VPS54: variants seen among roughly 807,000 people sequenced by gnomAD.
VPS54 encodes the protein VPS54 subunit of GARP complex, also known as vacuolar protein sorting-associated protein 54.
A neutral mutation model predicts 121.5 loss-of-function variants in VPS54; 45 were observed. The observed-to-expected ratio is 0.37, with a 90% CI of 0.29 to 0.47. The LOEUF (loss-of-function observed/expected upper bound fraction) is 0.47, where lower values mean the gene tolerates loss of function less well. Among genes scored for constraint, VPS54 ranks in the 20% least tolerant of loss-of-function variants. The pLI, the probability that VPS54 is intolerant of heterozygous loss-of-function variation, is 0.99. For synonymous variants in VPS54, 371 were observed against 385.8 expected (o/e 0.96, Z 0.45); for missense variants, 1,090 against 1,131.4 (o/e 0.96, Z 0.52).
chr2:64,018,246 GA>G (rs945966417), intron 1 of VPS54, among the ~76,000 whole-genome samples: 2 of 152,090 alleles, frequency 1.3e-5, no homozygotes, highest in African/African-American at 4.8e-5. Context: ...CTGGTTAGAA[GA>G]AAAAAATTTT....
intron 1 of VPS54, among the ~76,000 whole-genome samples, chr2:63,984,577 T>C (rs1038714385): frequency 6.6e-6 from 1 of 152,232 alleles, no homozygotes; most frequent in Non-Finnish European, 1.5e-5. Context: ...GTTACTGTCA[T>C]TGTAATTATT....
intron 22 of VPS54, 109 bp downstream of exon 22, chr2:63,897,387 C>A: frequency 2.9e-6 from 2 of 696,920 alleles, no homozygotes; most frequent in South Asian, 1.9e-5. Context: ...GATTTTACAA[C>A]GTTGGTCTTC....
In VPS54 at chr2:63,933,924, C is replaced by A; in HGVS notation, c.1488G>T (p.Lys496Asn). ...TRELEEISQQ[K>N]NAAKDNSLDT... ...CCAGTGAATTATCTTTTGCAGCATTCTTCTGTTGTGAAATCTCTTCCAATT... is the reference window on the plus strand; with the variant it reads ...CCAGTGAATTATCTTTTGCAGCATTATTCTGTTGTGAAATCTCTTCCAATT... The change falls in exon 12 of 23, where the codon AAG becomes AAT. Residue 496 changes from lysine to asparagine, a missense_variant. By Grantham distance (94) the Lys-to-Asn change is moderately conservative. Coordinates refer to ENST00000272322, the MANE Select transcript of VPS54 (RefSeq NM_016516.3). The A allele has an allele frequency of 6.2e-7, 1 of 1,613,674 alleles. No homozygotes were observed. The highest frequency in any genetic ancestry group is 8.5e-7 in the Non-Finnish European group (1 of 1,179,772).
intron 3 of VPS54, among the ~76,000 whole-genome samples, chr2:63,979,957 T>C (rs933296279): frequency 2.0e-5 from 3 of 152,212 alleles, no homozygotes; most frequent in Non-Finnish European, 4.4e-5. Flanking sequence ...TCTTCTATGT[T>C]ATATGGAGTG....
At chr2:63,988,302 G>GT (rs1677149775) in intron 1 of VPS54, among the ~76,000 whole-genome samples, 1 of 152,128 alleles carries the variant, frequency 6.6e-6, no homozygotes, top group African/African-American at 2.4e-5. Flanking sequence ...TTGATATGAT[G>GT]TATCACCTTT....
Position 63,986,993 on chromosome 2 carries a change from G to A in VPS54, c.-20-2974C>T, listed in dbSNP as rs9679199. On this transcript the variant is annotated intron_variant, in intron 1 of 22. Coordinates refer to ENST00000272322, the MANE Select transcript of VPS54 (RefSeq NM_016516.3). ...TAATCCCTTGTCAGATGGGTAGTTT[G>A]CAAATATTTTCCTCCCATTCTGTGG... Among the ~76,000 whole-genome samples, 777 of 152,262 alleles carry A rather than the reference G, an allele frequency of 5.1e-3. 10 individuals are homozygous for A. Among genetic ancestry groups the A allele is most frequent in the African/African-American group, 0.018 (737 of 41,540 alleles).
Position 63,950,500 on chromosome 2 carries a change from C to A in VPS54, c.1011-1337G>T, listed in dbSNP as rs529385478. Among the ~76,000 whole-genome samples the A allele has an allele frequency of 2.6e-5, 4 of 152,262 alleles. No homozygotes were observed. In the East Asian group the frequency reaches 5.8e-4, roughly 22 times the overall value. On this transcript the variant is annotated intron_variant, in intron 7 of 22. Transcript: ENST00000272322. Reference sequence around the variant, plus strand: ...CACCAAAAGTACTTTAAAAGGCAGTCTCTTATTGGCAAGGTACTTCCTGAC... The same window carrying A: ...CACCAAAAGTACTTTAAAAGGCAGTATCTTATTGGCAAGGTACTTCCTGAC...
intron 16 of VPS54, among the ~76,000 whole-genome samples, chr2:63,915,151 C>CA (rs5831674): frequency 0.12 from 2,948 of 23,614 alleles, 429 homozygotes; most frequent in African/African-American, 0.14. Flanking sequence ...AGCTCCGTCT[C>CA]AAAAAAAAAA....
intron 7 of VPS54, among the ~76,000 whole-genome samples, chr2:63,954,320 TAAAA>T (rs1675392351): frequency 6.6e-5 from 10 of 152,056 alleles, no homozygotes; most frequent in Admixed American, 3.9e-4. Context: ...TGATAAAAAT[TAAAA>T]AGAAAGAACT....
intron 3 of VPS54, among the ~76,000 whole-genome samples, chr2:63,981,264 G>A (rs557796281): frequency 6.6e-5 from 10 of 152,198 alleles, no homozygotes; most frequent in South Asian, 2.1e-4. Flanking sequence ...CTATCTGCTA[G>A]AGCTAGGGTG....
chr2:63,963,494 T>C (rs1675859028), intron 6 of VPS54, among the ~76,000 whole-genome samples: 1 of 152,136 alleles, frequency 6.6e-6, no homozygotes, highest in Admixed American at 6.5e-5. Flanking sequence ...CTTGGGATAA[T>C]TCATAGTTTC....
chr2:63,900,611 T>C (rs942148025), intron 20 of VPS54, among the ~76,000 whole-genome samples: 1 of 152,162 alleles, frequency 6.6e-6, no homozygotes, highest in Admixed American at 6.5e-5. Context: ...AGGAACGCTA[T>C]AGGAACTCAA....
chr2:64,005,915 A>G (rs569964889), intron 1 of VPS54, among the ~76,000 whole-genome samples: 1 of 152,358 alleles, frequency 6.6e-6, no homozygotes, highest in South Asian at 2.1e-4. Flanking sequence ...TACAGTAAAT[A>G]GAAGGAAGTA....
rs1575919466 is a variant in VPS54 at position 63,928,376 on chromosome 2, T to A, written c.1739+5297A>T. Among the ~76,000 whole-genome samples, 3 of 151,790 alleles carry A rather than the reference T, an allele frequency of 2.0e-5. No individual in the cohort carries two copies. The East Asian group carries it at 5.8e-4, about 29-fold the overall frequency. ...CCAAGATTCAACATTCTTAAAGAAT[T>A]TTCAACCCAGAATTTCATATCCAGC... On this transcript the variant is annotated intron_variant, in intron 12 of 22. Coordinates refer to ENST00000272322, the MANE Select transcript of VPS54 (RefSeq NM_016516.3).
At chr2:64,015,527 C>T (rs931438078) in intron 1 of VPS54, among the ~76,000 whole-genome samples, 27 of 152,180 alleles carry the variant, frequency 1.8e-4, no homozygotes, top group Admixed American at 5.2e-4. Flanking sequence ...CATTTTGAAC[C>T]GGATAATTTC....
At position 63,993,328 on chromosome 2, in the gene VPS54, C is replaced by T. The variant is rs376407067; in HGVS notation, c.-20-9309G>A. Among the ~76,000 whole-genome samples, 49 of 152,274 alleles carry T rather than the reference C, an allele frequency of 3.2e-4. 1 individual carries two copies. In the South Asian group the frequency reaches 8.7e-3, roughly 27 times the overall value. ...TATGCTGCGGGGAGATTCCAATCTC[C>T]GCAGTCCCAGGACTTTGACCCCTGA... On this transcript the variant is annotated intron_variant, in intron 1 of 22. Transcript: ENST00000272322.
intron 7 of VPS54, among the ~76,000 whole-genome samples, chr2:63,949,516 C>A (rs1166642383): frequency 6.6e-6 from 1 of 152,070 alleles, no homozygotes; most frequent in Non-Finnish European, 1.5e-5. Context: ...ACATTCTTTT[C>A]TATATTATGT....
chr2:63,973,697 T>C (rs1483700696), intron 3 of VPS54, among the ~76,000 whole-genome samples: 22 of 152,110 alleles, frequency 1.4e-4, no homozygotes, highest in Non-Finnish European at 4.4e-5. Context: ...CACACCACCA[T>C]GCCTGACTAA....
Position 63,921,314 on chromosome 2 carries a change from T to A in VPS54, c.1761A>T (p.Leu587Phe), listed in dbSNP as rs199773679. 1.1e-5 allele frequency: 17 copies of A among 1,612,848 alleles called. 1 individual carries two copies. In the South Asian group the frequency reaches 1.9e-4, roughly 18 times the overall value. The change falls in exon 13 of 23, where the codon TTA becomes TTT. Residue 587 changes from leucine (L) to phenylalanine (F), a missense_variant. By Grantham distance (22) the Leu-to-Phe change is conservative. Transcript: ENST00000272322. ...VDIMVSEDMK[L>F]TDSELGKLAN... is the part of the protein sequence containing the mutation. ...CCAGCTTTCCTAGCTCTGAGTCAGT[T>A]AATTTCATATCTTCACTGACCCTGA...
Sources: allele counts gnomAD v4.1 joint callset (sites outside exome capture counted in the v4.1 genomes callset), GRCh38; gene constraint gnomAD v4.1.1; transcripts MANE v1.5; gene names NCBI Gene and HGNC (gene_info 2026-07-23, HGNC 2026-07-21).